The following KHDRBS2 variants were observed in gnomAD, a reference collection of about 807,000 sequenced individuals.
KHDRBS2 encodes the protein KH domain-containing, RNA-binding, signal transduction-associated protein 2.
In KHDRBS2, 26 loss-of-function variants were observed where a neutral mutation model predicts 44.3. The observed-to-expected ratio is 0.59, with a 90% CI of 0.43 to 0.81. The LOEUF (loss-of-function observed/expected upper bound fraction) is 0.81, where lower values mean the gene tolerates loss of function less well. Among genes scored for constraint, KHDRBS2 ranks in the 40% least tolerant of loss-of-function variants. The pLI is 0.00. For synonymous variants in KHDRBS2, 194 were observed against 151.1 expected, an observed-to-expected ratio of 1.28 and a Z score of -2.08; for missense variants, 476 against 433.1, an observed-to-expected ratio of 1.10 and a Z score of -0.88.
intron 7 of KHDRBS2, among the ~76,000 whole-genome samples, chr6:61,698,685 C>T (rs1446041632): frequency 1.3e-5 from 2 of 151,998 alleles, no homozygotes; most frequent in Non-Finnish European, 2.9e-5. Context: ...TTGTCCCCCC[C>T]TTGTATTTCT....
intron 4 of KHDRBS2, among the ~76,000 whole-genome samples, chr6:61,904,282 A>G (rs1290736403): frequency 6.6e-6 from 1 of 152,178 alleles, no homozygotes; most frequent in Non-Finnish European, 1.5e-5. Flanking sequence ...CATGCTCACC[A>G]ATTCAACTGC....
chr6:61,737,545 A>G (rs1408617898), intron 6 of KHDRBS2, among the ~76,000 whole-genome samples: 1 of 152,136 alleles, frequency 6.6e-6, no homozygotes, highest in African/African-American at 2.4e-5. Context: ...TACATGTTAA[A>G]AACAGACCGT....
At chr6:61,719,509 G>C (rs1288644110) in intron 7 of KHDRBS2, among the ~76,000 whole-genome samples, 4 of 151,974 alleles carry the variant, frequency 2.6e-5, no homozygotes, top group Non-Finnish European at 4.4e-5. Context: ...TTAAATGTTT[G>C]GTCCAATTAA....
chr6:62,236,302 T>C (rs979643523), intron 1 of KHDRBS2, among the ~76,000 whole-genome samples: 77 of 152,026 alleles, frequency 5.1e-4, no homozygotes, highest in African/African-American at 1.7e-3. Context: ...TAAATATTAA[T>C]AGTTTAATCT....
At position 61,878,711 on chromosome 6, in the gene KHDRBS2, T is replaced by A. The variant is rs1799794311; in HGVS notation, c.810+15924A>T. Among the ~76,000 whole-genome samples, 5 of 152,046 alleles carry A rather than the reference T, an allele frequency of 3.3e-5. No homozygotes were observed. In the South Asian group the frequency reaches 1.0e-3, roughly 31 times the overall value. On this transcript the variant is annotated intron_variant, in intron 6 of 8. Coordinates refer to ENST00000281156, the MANE Select transcript of KHDRBS2 (RefSeq NM_152688.4). ...ACAGCACTTAGACAAGCACCTGCCA[T>A]GTGTTAAACACTACATTGTTATAGC...
At chr6:62,043,821 A>G (rs2127301514) in intron 3 of KHDRBS2, among the ~76,000 whole-genome samples, 1 of 152,198 alleles carries the variant, frequency 6.6e-6, no homozygotes, top group African/African-American at 2.4e-5. Flanking sequence ...ACATATCTTA[A>G]TACTTCGTAT....
rs76772138 is a variant in KHDRBS2 at position 62,025,254 on chromosome 6, T to C, written c.336+22624A>G. ...ATTATGTTAATGGCGATTTACATTG[T>C]ATTGTCTTAGAACATAAATTTTCAA... On this transcript the variant is annotated intron_variant, in intron 3 of 8. Transcript: ENST00000281156. 9.9e-4 allele frequency among the ~76,000 whole-genome samples: 151 copies of C among 151,908 alleles called. 1 individual carries two copies. The East Asian group carries it at 0.015, about 15-fold the overall frequency.
At chr6:61,813,414 C>T (rs1029233546) in intron 6 of KHDRBS2, among the ~76,000 whole-genome samples, 3 of 152,184 alleles carry the variant, frequency 2.0e-5, no homozygotes, top group Non-Finnish European at 4.4e-5. Context: ...GAGACCACAT[C>T]ACCAGGGAGA....
At chr6:62,264,478 C>A (rs1390931426) in intron 1 of KHDRBS2, among the ~76,000 whole-genome samples, 1 of 151,768 alleles carries the variant, frequency 6.6e-6, no homozygotes, top group African/African-American at 2.4e-5. Flanking sequence ...TAGTGATTTT[C>A]AAATTCAACT....
the KHDRBS2 span, among the ~76,000 whole-genome samples, chr6:61,639,381 C>T: frequency 6.6e-6 from 1 of 151,982 alleles, no homozygotes; most frequent in Non-Finnish European, 1.5e-5. Context: ...ACTTTCCTCA[C>T]CTCTAATATT....
At chr6:61,612,484 T>A in the KHDRBS2 span, among the ~76,000 whole-genome samples, 72 of 152,340 alleles carry the variant, frequency 4.7e-4, 1 homozygote, top group Non-Finnish European at 4.4e-5. Flanking sequence ...ACAGTTTTCT[T>A]AACTTTAAAA....
intron 7 of KHDRBS2, among the ~76,000 whole-genome samples, chr6:61,702,305 T>C (rs898504548): frequency 5.3e-5 from 8 of 151,960 alleles, no homozygotes; most frequent in African/African-American, 1.9e-4. Context: ...GAAATGGCAA[T>C]GGCTAGAGTA....
chr6:61,781,751 TC>T (rs1286316121), intron 6 of KHDRBS2, among the ~76,000 whole-genome samples: 1 of 152,112 alleles, frequency 6.6e-6, no homozygotes, highest in Non-Finnish European at 1.5e-5. Flanking sequence ...ATCCACTCCT[TC>T]CCTCCCGAAA....
At chr6:62,075,856 T>A (rs1207744566) in intron 2 of KHDRBS2, among the ~76,000 whole-genome samples, 1 of 151,482 alleles carries the variant, frequency 6.6e-6, no homozygotes, top group Middle Eastern at 3.2e-3. Context: ...AATCTCTGTA[T>A]ATACCCTGCT....
intron 3 of KHDRBS2, among the ~76,000 whole-genome samples, chr6:62,037,347 G>A (rs1306159182): frequency 6.6e-6 from 1 of 151,516 alleles, no homozygotes. Context: ...TGATATTGAC[G>A]GTGTTGCTGA....
Position 61,821,277 on chromosome 6 carries a change from C to G in KHDRBS2, c.810+73358G>C, listed in dbSNP as rs79228642. On this transcript the variant is annotated intron_variant, in intron 6 of 8. Coordinates refer to ENST00000281156, the MANE Select transcript of KHDRBS2 (RefSeq NM_152688.4). ...AAACAATATAAAAACCTGGGTCCTA[C>G]TAGCAAGACATCTTACATCAGGAAG... Among the ~76,000 whole-genome samples the G allele has an allele frequency of 4.4e-3, 671 of 152,118 alleles. 2 individuals carry two copies. Among genetic ancestry groups the G allele is most frequent in the Non-Finnish European group, 7.7e-3 (522 of 67,938 alleles).
chr6:62,042,931 C>T (rs1396460195), intron 3 of KHDRBS2, among the ~76,000 whole-genome samples: 2 of 152,066 alleles, frequency 1.3e-5, no homozygotes, highest in Non-Finnish European at 2.9e-5. Flanking sequence ...TACCCCATTT[C>T]GTAATTTCAG....
intron 3 of KHDRBS2, among the ~76,000 whole-genome samples, chr6:62,041,589 A>G (rs1303722256): frequency 3.2e-4 from 49 of 152,128 alleles, no homozygotes; most frequent in Non-Finnish European, 1.8e-4. Context: ...CAGTACAAAT[A>G]ATGAGTCACA....
At chr6:62,125,720 C>T (rs1808803894) in intron 2 of KHDRBS2, among the ~76,000 whole-genome samples, 1 of 152,096 alleles carries the variant, frequency 6.6e-6, no homozygotes, top group Non-Finnish European at 1.5e-5. Context: ...TCTTGGATGT[C>T]ATTTCTAGAC....
Sources: allele counts gnomAD v4.1 joint callset (sites outside exome capture counted in the v4.1 genomes callset), GRCh38; gene constraint gnomAD v4.1.1; transcripts MANE v1.5; gene names NCBI Gene and HGNC (gene_info 2026-07-23, HGNC 2026-07-21).